VPS13C: variants seen among roughly 807,000 people sequenced by gnomAD.
The protein encoded by VPS13C is intermembrane lipid transfer protein VPS13C.
VPS13C carries 358 observed loss-of-function variants against 456.8 expected under a neutral mutation model. The observed-to-expected ratio is 0.78, with a 90% CI of 0.72 to 0.86. The LOEUF is 0.86. Ranked by LOEUF, VPS13C falls within the 40% of genes least tolerant of loss-of-function variation. The pLI is 0.00. For synonymous variants in VPS13C, 1,578 were observed against 1,486.7 expected, an observed-to-expected ratio of 1.06 and a Z score of -1.41; for missense variants, 4,818 against 4,385.4, an observed-to-expected ratio of 1.10 and a Z score of -2.79.
At chr15:62,024,959 A>G (rs1221698413) in intron 6 of VPS13C, among the ~76,000 whole-genome samples, 1 of 152,080 alleles carries the variant, frequency 6.6e-6, no homozygotes, top group Non-Finnish European at 1.5e-5. Flanking sequence ...GCCTGTGTGA[A>G]GCCTTCTTAA....
intron 64 of VPS13C, among the ~76,000 whole-genome samples, chr15:61,909,733 A>G (rs1047107629): frequency 3.9e-5 from 6 of 152,188 alleles, no homozygotes; most frequent in African/African-American, 1.4e-4. Flanking sequence ...ATCATTTTTT[A>G]TGGCTGCATA....
rs762779380 is a variant in VPS13C, at chr15:61,961,935, C to T, written c.3604-42G>A. ...TAAAAAGAGAAATTCAAAGAGAATA[C>T]AGGCACATCAATAATAACACTATCT... On this transcript the variant is annotated intron_variant, in intron 34 of 84. Coordinates refer to ENST00000644861, the MANE Select transcript of VPS13C (RefSeq NM_020821.3). The T allele has an allele frequency of 3.2e-6, 5 of 1,548,370 alleles. No individual in the cohort carries two copies. The African/African-American group carries it at 6.9e-5, about 21-fold the overall frequency.
chr15:62,018,647 A>G (rs1361711218), intron 9 of VPS13C, among the ~76,000 whole-genome samples: 3 of 151,746 alleles, frequency 2.0e-5, no homozygotes, highest in Non-Finnish European at 4.4e-5. Flanking sequence ...CTTCTTGTCC[A>G]TGGTGGATAA....
intron 77 of VPS13C, among the ~76,000 whole-genome samples, chr15:61,874,221 A>G (rs1255353748): frequency 6.6e-6 from 1 of 152,054 alleles, no homozygotes; most frequent in East Asian, 1.9e-4. Flanking sequence ...GTTAATGGAT[A>G]CAACATCACA....
At chr15:62,028,312 A>C in intron 6 of VPS13C, 46 bp downstream of exon 6, 1 of 1,597,136 alleles carries the variant, frequency 6.3e-7, no homozygotes, top group South Asian at 1.1e-5. Context: ...AAGCATACAC[A>C]AGAATATGTT....
chr15:61,988,964 T>C lies in VPS13C; in HGVS notation c.1578+2036A>G, dbSNP rs1438580266. 3.3e-5 allele frequency among the ~76,000 whole-genome samples: 5 copies of C among 152,176 alleles called. No individual in the cohort carries two copies. The East Asian group carries it at 7.7e-4, about 24-fold the overall frequency. On this transcript the variant is annotated intron_variant, in intron 18 of 84. Transcript: ENST00000644861. ...AGACAATATAAAACTTCTAGAAGCA[T>C]AGTTTCATGACCTTGCAATGAGGAA...
Position 61,915,420 on chromosome 15 carries a change from T to C in VPS13C, c.8445+213A>G, listed in dbSNP as rs4541010. On this transcript the variant is annotated intron_variant, in intron 61 of 84. Coordinates refer to ENST00000644861, the MANE Select transcript of VPS13C (RefSeq NM_020821.3). ...CTACTACTTCAAGAACAGAGGTAAC[T>C]CTATAGGCATTGGAGAAAAGGGCAA... Among the ~76,000 whole-genome samples, 65,498 of 152,056 alleles carry C rather than the reference T, an allele frequency of 0.43. 14,277 individuals are homozygous for C. Among genetic ancestry groups the C allele is most frequent in the Middle Eastern group, 0.62 (183 of 294 alleles).
At chr15:61,980,726 C>A (rs149604048) in intron 22 of VPS13C, among the ~76,000 whole-genome samples, 1 of 152,000 alleles carries the variant, frequency 6.6e-6, no homozygotes, top group African/African-American at 2.4e-5. Flanking sequence ...TTCCCAGGAC[C>A]CTCAATCCTT....
chr15:62,014,394 A>G (rs972434722), intron 9 of VPS13C, among the ~76,000 whole-genome samples: 1 of 152,120 alleles, frequency 6.6e-6, no homozygotes, highest in South Asian at 2.1e-4. Context: ...AGTTTCTACA[A>G]GGACAGCATG....
At chr15:61,937,956 ACAAGCATGCATG>A (rs1369658932) in intron 47 of VPS13C, among the ~76,000 whole-genome samples, 4 of 152,098 alleles carry the variant, frequency 2.6e-5, no homozygotes, top group South Asian at 2.1e-4. Flanking sequence ...ACAAATTCAC[ACAAGCATGCATG>A]CAAGCACGCA....
rs61199977 is a variant in VPS13C at position 61,994,594 on chromosome 15, C to CTTT, written c.1354-2795_1354-2793dup. Among the ~76,000 whole-genome samples, 1,133 of 145,328 alleles carry CTTT rather than the reference C, an allele frequency of 7.8e-3. 13 individuals are homozygous for CTTT. Among genetic ancestry groups the CTTT allele is most frequent in the African/African-American group, 0.027 (1,063 of 39,776 alleles). On this transcript the variant is annotated intron_variant, in intron 16 of 84. Coordinates refer to ENST00000644861, the MANE Select transcript of VPS13C (RefSeq NM_020821.3). ...ACAGAATGGAATACTATTCAGCTAT[C>CTTT]TTTTTTTTTTTTTGAGATGGATTCT... is the stretch of plus-strand genomic sequence containing the variant.
At chr15:61,980,293 C>T (rs2045842613) in intron 22 of VPS13C, among the ~76,000 whole-genome samples, 1 of 147,862 alleles carries the variant, frequency 6.8e-6, no homozygotes, top group Non-Finnish European at 1.5e-5. Flanking sequence ...ACCATGATGT[C>T]AAAATGATCC....
chr15:61,950,979 G>GTCACATTA lies in VPS13C; in HGVS notation c.4494_4501dup (p.Thr1501IlefsTer3). On this transcript the variant is annotated stop_gained and frameshift_variant, in exon 40 of 85. Coordinates refer to ENST00000644861, the MANE Select transcript of VPS13C (RefSeq NM_020821.3). LOFTEE classifies it high-confidence loss of function. The stretch of plus-strand genomic sequence containing the variant: ...TAACATTTTCAGAAGGGGTTCGTCA[G>GTCACATTA]TCACATTAGAAGAGTTAATAATGTG... 6.2e-7 allele frequency: 1 copy of GTCACATTA among 1,604,358 alleles called. No individual in the cohort carries two copies. Among genetic ancestry groups the GTCACATTA allele is most frequent in the African/African-American group, 1.3e-5 (1 of 74,718 alleles).
chr15:61,886,168 G>C (rs1363696246), intron 67 of VPS13C, among the ~76,000 whole-genome samples: 1 of 152,114 alleles, frequency 6.6e-6, no homozygotes, highest in Non-Finnish European at 1.5e-5. Flanking sequence ...TAACAAGTAA[G>C]TCACTCAGAA....
At chr15:62,002,420 T>C (rs1340050356) in intron 15 of VPS13C, among the ~76,000 whole-genome samples, 3 of 152,286 alleles carry the variant, frequency 2.0e-5, no homozygotes, top group African/African-American at 4.8e-5. Context: ...TGGATATTAG[T>C]CCTTTGTTAG....
intron 18 of VPS13C, among the ~76,000 whole-genome samples, chr15:61,990,196 G>A (rs989597741): frequency 4.6e-5 from 7 of 151,998 alleles, no homozygotes; most frequent in Non-Finnish European, 1.0e-4. Context: ...AGTATTGGTA[G>A]TAAAAAACAA....
chr15:62,059,659 G>A (rs1398278299), intron 1 of VPS13C, among the ~76,000 whole-genome samples: 1 of 152,114 alleles, frequency 6.6e-6, no homozygotes, highest in Non-Finnish European at 1.5e-5. Flanking sequence ...CGTATTGACG[G>A]AAAAGTAAAT....
At chr15:61,908,943 T>G (rs1459441510) in intron 65 of VPS13C, 49 bp downstream of exon 65, 1 of 1,583,758 alleles carries the variant, frequency 6.3e-7, no homozygotes, top group Non-Finnish European at 8.6e-7. Flanking sequence ...TTCCCATTAG[T>G]TACTATGAAC....
chr15:61,927,820 T>C (rs910623875), intron 51 of VPS13C, among the ~76,000 whole-genome samples: 1 of 151,946 alleles, frequency 6.6e-6, no homozygotes, highest in East Asian at 1.9e-4. Context: ...ATAGACTGGA[T>C]TAAGAAAATG....
Sources: gnomAD v4.1 joint callset for allele counts (sites outside exome capture counted in the v4.1 genomes callset) on GRCh38, gnomAD v4.1.1 for gene constraint, MANE v1.5 for transcripts, NCBI Gene and HGNC (gene_info 2026-07-23, HGNC 2026-07-21) for gene names.